Variants in ANKRD30B observed in about 807,000 individuals in gnomAD.
The protein encoded by ANKRD30B is ankyrin repeat domain-containing protein 30B.
A neutral mutation model predicts 202.2 loss-of-function variants in ANKRD30B; 144 were observed. That is an observed-to-expected ratio of 0.71 (90% CI 0.62 to 0.82). ANKRD30B has a LOEUF of 0.82. Ranked by LOEUF, ANKRD30B falls within the 40% of genes least tolerant of loss-of-function variation. The pLI is 0.00. For synonymous variants in ANKRD30B, 508 were observed against 561.3 expected, an observed-to-expected ratio of 0.91 and a Z score of 1.34; for missense variants, 1,487 against 1,669.1, an observed-to-expected ratio of 0.89 and a Z score of 1.90.
intron 28 of ANKRD30B, among the ~76,000 whole-genome samples, chr18:14,810,389 C>T (rs895251254): frequency 1.3e-5 from 2 of 151,254 alleles, no homozygotes; most frequent in African/African-American, 2.4e-5. Context: ...TGCTTTACGT[C>T]ATGTGGTTCT....
chr18:14,831,166 C>G (rs1338038909), intron 33 of ANKRD30B, among the ~76,000 whole-genome samples: 3 of 107,968 alleles, frequency 2.8e-5, no homozygotes, highest in African/African-American at 3.9e-5. Flanking sequence ...GGCGACAGAG[C>G]GAGACTCCGT....
At chr18:14,790,722 G>A (rs1334050866) in intron 15 of ANKRD30B, among the ~76,000 whole-genome samples, 7 of 152,020 alleles carry the variant, frequency 4.6e-5, no homozygotes, top group Non-Finnish European at 1.0e-4. Flanking sequence ...AACCAGCCTT[G>A]CATCCCAGGG....
At chr18:14,805,064 AAT>A (rs745674474) in intron 24 of ANKRD30B, among the ~76,000 whole-genome samples, 2,511 of 148,708 alleles carry the variant, frequency 0.017, 183 homozygotes, top group African/African-American at 0.059. Flanking sequence ...TGAGGCATCA[AAT>A]ATATATATAT....
intron 30 of ANKRD30B, among the ~76,000 whole-genome samples, chr18:14,818,007 C>T (rs924359079): frequency 3.9e-5 from 6 of 151,986 alleles, no homozygotes; most frequent in African/African-American, 1.5e-4. Flanking sequence ...AGGGAAACAG[C>T]ATATATACTT....
At chr18:14,934,992 AG>A in the ANKRD30B span, among the ~76,000 whole-genome samples, 8 of 151,586 alleles carry the variant, frequency 5.3e-5, no homozygotes, top group African/African-American at 1.7e-4. Context: ...GCACCCTCCC[AG>A]GCCCCCTCAC....
In ANKRD30B at chr18:14,808,757, A is replaced by C. The variant is rs1057347122; in HGVS notation, c.2386+13A>C. ...ACACTCAAAGCAGGTAAATTTTGTA[A>C]TTTAAATTTTAATCTGGAATTAAGA... On this transcript the variant is annotated intron_variant, in intron 26 of 43. Coordinates refer to ENST00000690538, the MANE Select transcript of ANKRD30B (RefSeq NM_001367607.2). 1 of 1,429,636 alleles carries C rather than the reference A, an allele frequency of 7.0e-7. No individual in the cohort carries two copies. The highest frequency in any genetic ancestry group is 2.5e-5 in the East Asian group (1 of 40,326). The allele number at this position is 1,429,636 out of a possible 1,614,324, so 88.6% of individuals were successfully genotyped here.
At position 14,791,544 on chromosome 18, in the gene ANKRD30B, T is replaced by A; in HGVS notation, c.1825+53T>A. The A allele has an allele frequency of 2.9e-6, 4 of 1,402,328 alleles. No individual in the cohort carries two copies. The South Asian group carries it at 3.6e-5, about 13-fold the overall frequency. 86.9% of individuals were successfully genotyped at this position (1,402,328 alleles called of 1,614,324 possible). The stretch of plus-strand genomic sequence containing the variant: ...CATTTGACCAAATATTTATCTAAAC[T>A]GATGAGGAAGGATATCCTCTAATAG... On this transcript the variant is annotated intron_variant, in intron 16 of 43. Coordinates refer to ENST00000690538, the MANE Select transcript of ANKRD30B (RefSeq NM_001367607.2).
intron 12 of ANKRD30B, 69 bp from the exon 13 acceptor site, chr18:14,784,267 C>A: frequency 1.4e-6 from 2 of 1,445,984 alleles, no homozygotes; most frequent in Non-Finnish European, 1.9e-6. Flanking sequence ...TAGATACTAT[C>A]ACTGCATTCA....
chr18:14,839,376 G>A (rs1177779764), intron 36 of ANKRD30B, among the ~76,000 whole-genome samples: 1 of 152,188 alleles, frequency 6.6e-6, no homozygotes, highest in African/African-American at 2.4e-5. Context: ...TAAGCCATAT[G>A]AAAGTCTAGG....
chr18:14,763,086 A>G (rs1915512976), intron 6 of ANKRD30B, among the ~76,000 whole-genome samples: 1 of 151,914 alleles, frequency 6.6e-6, no homozygotes, highest in Non-Finnish European at 1.5e-5. Context: ...GATACTAAGC[A>G]TTTTTCTTAT....
At chr18:14,926,168 G>T in the ANKRD30B span, among the ~76,000 whole-genome samples, 299 of 152,272 alleles carry the variant, frequency 2.0e-3, no homozygotes, top group African/African-American at 6.9e-3. Context: ...GTTTCCTGAA[G>T]GTGTAATTAC....
At chr18:14,940,274 G>C in the ANKRD30B span, among the ~76,000 whole-genome samples, 4 of 152,218 alleles carry the variant, frequency 2.6e-5, no homozygotes. Flanking sequence ...TGGAAACAAA[G>C]CTTGCCTAGA....
the ANKRD30B span, among the ~76,000 whole-genome samples, chr18:14,894,147 G>A: frequency 2.0e-5 from 3 of 152,010 alleles, no homozygotes; most frequent in Non-Finnish European, 4.4e-5. Flanking sequence ...TTATCGTCTG[G>A]TTCAATAATT....
intron 9 of ANKRD30B, among the ~76,000 whole-genome samples, chr18:14,776,121 A>C (rs1044914314): frequency 1.3e-5 from 2 of 152,212 alleles, no homozygotes; most frequent in African/African-American, 4.8e-5. Flanking sequence ...AACTTTCAGC[A>C]GGCTACTACT....
intron 16 of ANKRD30B, among the ~76,000 whole-genome samples, chr18:14,794,117 T>C (rs1180008686): frequency 1.3e-5 from 2 of 152,158 alleles, no homozygotes; most frequent in Non-Finnish European, 2.9e-5. Flanking sequence ...GGCTCACTAA[T>C]CTTTAGAGCC....
At chr18:14,782,874 A>C (rs1009284440) in intron 12 of ANKRD30B, among the ~76,000 whole-genome samples, 1 of 152,184 alleles carries the variant, frequency 6.6e-6, no homozygotes. Flanking sequence ...GTAAGGGAAA[A>C]GGAGTAAAAA....
At chr18:14,840,356 G>A (rs1971363806) in intron 36 of ANKRD30B, among the ~76,000 whole-genome samples, 1 of 152,016 alleles carries the variant, frequency 6.6e-6, no homozygotes, top group Non-Finnish European at 1.5e-5. Flanking sequence ...TAGCCAACAT[G>A]GTGAAACCCT....
At chr18:14,881,198 T>C in the ANKRD30B span, among the ~76,000 whole-genome samples, 41 of 152,222 alleles carry the variant, frequency 2.7e-4, no homozygotes, top group African/African-American at 9.4e-4. Flanking sequence ...TTTTCCCCAT[T>C]CAGTATTATG....
At position 14,836,285 on chromosome 18, in the gene ANKRD30B, T is replaced by C. The variant is rs189718556; in HGVS notation, c.2848-926T>C. 3.0e-4 allele frequency among the ~76,000 whole-genome samples: 46 copies of C among 152,276 alleles called. No individual in the cohort carries two copies. The East Asian group carries it at 8.7e-3, about 29-fold the overall frequency. On this transcript the variant is annotated intron_variant, in intron 34 of 43. Transcript: ENST00000690538. ...TTTTTATTTTTTTCTGACTCTTTTCTGACTCTTTGTAATCTACTCTGTCAT... is the reference window on the plus strand; with the variant it reads ...TTTTTATTTTTTTCTGACTCTTTTCCGACTCTTTGTAATCTACTCTGTCAT...
Sources: gnomAD v4.1 joint callset for allele counts (sites outside exome capture counted in the v4.1 genomes callset) on GRCh38, gnomAD v4.1.1 for gene constraint, MANE v1.5 for transcripts, NCBI Gene and HGNC (gene_info 2026-07-23, HGNC 2026-07-21) for gene names.